KIAA1191: variants seen among roughly 807,000 people sequenced by gnomAD.
KIAA1191 encodes putative monooxygenase p33MONOX.
In KIAA1191, 22 loss-of-function variants were observed where a neutral mutation model predicts 31.1. The observed-to-expected ratio is 0.71, with a 90% CI of 0.51 to 1.01. The LOEUF (loss-of-function observed/expected upper bound fraction) is 1.01, where lower values mean the gene tolerates loss of function less well. KIAA1191 is among the 50% of genes least tolerant of loss of function. The probability of loss-of-function intolerance (pLI) is 0.00; values close to 1 mark genes in which losing one functional copy is unlikely to be tolerated. For synonymous variants in KIAA1191, 130 were observed against 143.9 expected (o/e 0.90, Z 0.69); for missense variants, 319 against 388.0 (o/e 0.82, Z 1.49).
At chr5:176,354,736 C>G (rs777359286) in intron 4 of KIAA1191, among the ~76,000 whole-genome samples, 2 of 152,066 alleles carry the variant, frequency 1.3e-5, no homozygotes, top group Non-Finnish European at 2.9e-5. Flanking sequence ...GCCAGGCCAT[C>G]GGCTGGATCC....
chr5:176,349,731 T>C (rs1766826461), intron 6 of KIAA1191, among the ~76,000 whole-genome samples: 1 of 152,190 alleles, frequency 6.6e-6, no homozygotes, highest in Non-Finnish European at 1.5e-5. Context: ...TATTCCTCGT[T>C]ATGTATAATG....
At chr5:176,352,559 G>T (rs1581364292) in intron 5 of KIAA1191, 63 bp downstream of exon 5, 1 of 1,570,860 alleles carries the variant, frequency 6.4e-7, no homozygotes. Flanking sequence ...CAATCAGCTT[G>T]TAGGAAGCCT....
At chr5:176,353,538 A>G (rs1338859174) in intron 4 of KIAA1191, 1 of 152,234 alleles carries the variant, frequency 6.6e-6, no homozygotes, top group Non-Finnish European at 1.5e-5. Flanking sequence ...GTAATGAAAA[A>G]TGTTGTATCC....
chr5:176,354,737 G>A (rs1032520251), intron 4 of KIAA1191, among the ~76,000 whole-genome samples: 5 of 152,098 alleles, frequency 3.3e-5, no homozygotes, highest in Admixed American at 1.3e-4. Context: ...CCAGGCCATC[G>A]GCTGGATCCT....
chr5:176,351,762 C>CA lies in KIAA1191; in HGVS notation c.334+859dup, dbSNP rs1314345862. ...GACAGAGTGAGACTCTGTCTCAAAA[C>CA]AAAAAAAAAAAAGAAGAGAAACCAA... On this transcript the variant is annotated intron_variant, in intron 5 of 8. Coordinates refer to ENST00000298569, the MANE Select transcript of KIAA1191 (RefSeq NM_020444.5). Among the ~76,000 whole-genome samples the CA allele has an allele frequency of 6.6e-3, 866 of 132,018 alleles. 8 individuals are homozygous for CA. Among genetic ancestry groups the CA allele is most frequent in the African/African-American group, 0.019 (697 of 36,048 alleles). 86.6% of individuals were successfully genotyped at this position (132,018 alleles called of 152,430 possible). A position where few individuals can be genotyped will look rare whatever the true frequency, so the allele number is the denominator to read the frequency against.
intron 5 of KIAA1191, among the ~76,000 whole-genome samples, chr5:176,351,436 T>C (rs1490817933): frequency 1.3e-5 from 2 of 151,654 alleles, no homozygotes; most frequent in African/African-American, 4.8e-5. Flanking sequence ...ATAAAAGTAG[T>C]GTTGCTGATT....
At chr5:176,357,958 C>T (rs967805659) in intron 3 of KIAA1191, among the ~76,000 whole-genome samples, 2 of 152,108 alleles carry the variant, frequency 1.3e-5, no homozygotes, top group East Asian at 1.9e-4. Flanking sequence ...TTTTTAACTC[C>T]TGTTTTTACA....
At position 176,355,539 on chromosome 5, in the gene KIAA1191, G is replaced by A. The variant is rs200646986; in HGVS notation, c.207+32C>T. ...AGCAGAGGAAGGACAAAGGGGTTGC[G>A]TATGCCAGAAATGGCCAGCAGGGTC... On this transcript the variant is annotated intron_variant, in intron 4 of 8. Coordinates refer to ENST00000298569, the MANE Select transcript of KIAA1191 (RefSeq NM_020444.5). The surrounding 1 kb of genome is among the most constrained non-coding windows in gnomAD (Gnocchi z 4.2). 75 of 1,593,802 alleles carry A rather than the reference G, an allele frequency of 4.7e-5. No homozygotes were observed. The highest frequency in any genetic ancestry group is 5.6e-5 in the South Asian group (5 of 89,896).
Position 176,347,718 on chromosome 5 carries a change from G to C in KIAA1191, c.800C>G (p.Pro267Arg), listed in dbSNP as rs1334471690. 1 of 1,609,248 alleles carries C rather than the reference G, an allele frequency of 6.2e-7. No individual in the cohort carries two copies. Among genetic ancestry groups the C allele is most frequent in the East Asian group, 2.2e-5 (1 of 44,854 alleles). The change falls in exon 9 of 9, where the codon CCA becomes CGA. Residue 267 changes from proline to arginine, a missense_variant. By Grantham distance (103) the Pro-to-Arg change is moderately radical. Transcript: ENST00000298569. ...CATCTTGGGGGGCTTCAAGGCTGCTGGATCTTCAGCCATTCGGTTGGCCTG... is the reference window on the plus strand; with the variant it reads ...CATCTTGGGGGGCTTCAAGGCTGCTCGATCTTCAGCCATTCGGTTGGCCTG... The part of the protein sequence containing the change: ...RAQANRMAED[P>R]AALKPPKMDI...
Position 176,347,560 on chromosome 5 carries a change from G to T in KIAA1191, c.*40C>A. On this transcript the variant is annotated 3_prime_UTR_variant, in exon 9 of 9. Coordinates refer to ENST00000298569, the MANE Select transcript of KIAA1191 (RefSeq NM_020444.5). ...AGCCAAGGTAAAAGGGGAGTGGGATGCAAGAAACCACCTTTACCAGAATCC... is the reference window on the plus strand; with the variant it reads ...AGCCAAGGTAAAAGGGGAGTGGGATTCAAGAAACCACCTTTACCAGAATCC... 1 of 1,414,296 alleles carries T rather than the reference G, an allele frequency of 7.1e-7. No homozygotes were observed. Among genetic ancestry groups the T allele is most frequent in the Non-Finnish European group, 9.4e-7 (1 of 1,063,426 alleles). 87.6% of individuals were successfully genotyped at this position (1,414,296 alleles called of 1,614,324 possible). A position where few individuals can be genotyped will look rare whatever the true frequency, so the allele number is the denominator to read the frequency against.
At chr5:176,349,062 C>G (rs1766767784) in intron 6 of KIAA1191, 1 of 152,314 alleles carries the variant, frequency 6.6e-6, no homozygotes, top group Admixed American at 6.5e-5. Context: ...CTCAACAGAT[C>G]CATTCATGTA....
Position 176,348,351 on chromosome 5 carries a change from T to TA in KIAA1191, c.464dup (p.Leu157ValfsTer29). On this transcript the variant is annotated frameshift_variant, in exon 7 of 9. Coordinates refer to ENST00000298569, the MANE Select transcript of KIAA1191 (RefSeq NM_020444.5). LOFTEE classifies it high-confidence loss of function. Reference sequence around the variant, plus strand: ...TTGTTACCTCTCCACTCTGTAACTTTAGTTTCTGCTCAGATGGGTAAGAAG... The same window carrying TA: ...TTGTTACCTCTCCACTCTGTAACTTTAAGTTTCTGCTCAGATGGGTAAGAAG... 6.2e-7 allele frequency: 1 copy of TA among 1,612,472 alleles called. No homozygotes were observed.
chr5:176,350,908 C>G (rs1340269946), intron 5 of KIAA1191, among the ~76,000 whole-genome samples, 171 bp from the exon 6 acceptor site: 1 of 152,288 alleles, frequency 6.6e-6, no homozygotes, highest in East Asian at 1.9e-4. Flanking sequence ...GAACCTCACA[C>G]AAAGGCTCTC....
At chr5:176,348,848 C>A (rs1266905725) in intron 6 of KIAA1191, 1 of 157,930 alleles carries the variant, frequency 6.3e-6, no homozygotes, top group Non-Finnish European at 1.4e-5. Context: ...TTCTCTCCTC[C>A]TTCTCTCCCA....
intron 4 of KIAA1191, among the ~76,000 whole-genome samples, chr5:176,353,761 C>T (rs568419706): frequency 4.6e-5 from 7 of 152,254 alleles, no homozygotes; most frequent in South Asian, 2.1e-4. Context: ...TCTGGAAGCC[C>T]GCTCATCCCT....
In KIAA1191 at chr5:176,353,776, T is replaced by C. The variant is rs188322946; in HGVS notation, c.208-1028A>G. 2.3e-3 allele frequency among the ~76,000 whole-genome samples: 349 copies of C among 152,312 alleles called. 3 individuals carry two copies. Among genetic ancestry groups the C allele is most frequent in the African/African-American group, 8.1e-3 (335 of 41,582 alleles). On this transcript the variant is annotated intron_variant, in intron 4 of 8. Coordinates refer to ENST00000298569, the MANE Select transcript of KIAA1191 (RefSeq NM_020444.5). ...TCTGGAAGCCCGCTCATCCCTTGCC[T>C]TGTGGAGCCATCAGCAGGGTGTGTG...
rs1177354140 is a variant in KIAA1191, at chr5:176,354,830, G to C, written c.207+741C>G. 3.3e-5 allele frequency among the ~76,000 whole-genome samples: 5 copies of C among 152,138 alleles called. 1 individual carries two copies. Among genetic ancestry groups the C allele is most frequent in the African/African-American group, 9.7e-5 (4 of 41,424 alleles). ...GAGAAAGCAATGCAGGGATGACGACGGGGACCATGGTACCGTGGGGAGCTC... is the reference window on the plus strand; with the variant it reads ...GAGAAAGCAATGCAGGGATGACGACCGGGACCATGGTACCGTGGGGAGCTC... On this transcript the variant is annotated intron_variant, in intron 4 of 8. Coordinates refer to ENST00000298569, the MANE Select transcript of KIAA1191 (RefSeq NM_020444.5).
intron 4 of KIAA1191, chr5:176,354,425 C>T (rs1767315684): frequency 1.3e-5 from 2 of 152,300 alleles, no homozygotes; most frequent in Middle Eastern, 6.7e-3. Context: ...GGCGGGCCTA[C>T]TTTATTCAGG....
chr5:176,359,942 T>C, intron 1 of KIAA1191, 24 bp from the exon 2 acceptor site: 1 of 172,214 alleles, frequency 5.8e-6, no homozygotes, highest in South Asian at 1.4e-4. Flanking sequence ...ACAGCCAGCA[T>C]TGGAACAGCC....
Sources: gnomAD v4.1 joint callset for allele counts (sites outside exome capture counted in the v4.1 genomes callset) on GRCh38, gnomAD v4.1.1 for gene constraint, Gnocchi (gnomAD v3.1) non-coding constraint, MANE v1.5 for transcripts, NCBI Gene and HGNC (gene_info 2026-07-23, HGNC 2026-07-21) for gene names.